Variants in TRAK1 observed in about 807,000 individuals in gnomAD.
The protein encoded by TRAK1 is trafficking kinesin-binding protein 1.
Under a neutral mutation model 92.1 loss-of-function variants are expected in TRAK1, and 33 were observed. That is an observed-to-expected ratio of 0.36 (90% CI 0.27 to 0.48). The LOEUF is 0.48. TRAK1 is among the 20% of genes least tolerant of loss of function. The probability of loss-of-function intolerance (pLI) is 0.99; values close to 1 mark genes in which losing one functional copy is unlikely to be tolerated. For missense variants in TRAK1, 1,123 were observed against 1,257.9 expected (o/e 0.89, Z 1.62); for synonymous variants, 521 against 517.3 (o/e 1.01, Z -0.10).
intron 2 of TRAK1, among the ~76,000 whole-genome samples, chr3:42,133,367 T>C (rs1362646228): frequency 6.6e-6 from 1 of 152,166 alleles, no homozygotes; most frequent in African/African-American, 2.4e-5. Context: ...CTTCCTTTTC[T>C]TTTTTTGTTT....
chr3:42,046,408 A>G lies in TRAK1; in HGVS notation c.-519+32291A>G, dbSNP rs569316424. Among the ~76,000 whole-genome samples, 64 of 151,740 alleles carry G rather than the reference A, an allele frequency of 4.2e-4. 1 individual carries two copies. Among genetic ancestry groups the G allele is most frequent in the South Asian group, 1.3e-3 (6 of 4,794 alleles). ...ACTCCTAAGAGACCCTTAGGAGGCC[A>G]TAACCTGGGAAGGTTGGGAATAGGG... On this transcript the variant is annotated intron_variant, in intron 1 of 16. Transcript: ENST00000487159.
chr3:42,013,906 A>G lies in TRAK1; in HGVS notation c.-730A>G, dbSNP rs1275256959. The G allele has an allele frequency of 6.7e-6, 1 of 149,940 alleles. No individual in the cohort carries two copies. The highest frequency in any genetic ancestry group is 1.5e-5 in the Non-Finnish European group (1 of 67,308). The allele number at this position is 149,940 out of a possible 1,614,324, so 9.3% of individuals were successfully genotyped here. A position where few individuals can be genotyped will look rare whatever the true frequency, so the allele number is the denominator to read the frequency against. ...TCTCGGAACCCCGGACTCCGAGCCC[A>G]GGAGCGCCAGAGCGGCAGGCGGGCA... On this transcript the variant is annotated 5_prime_UTR_variant, in exon 1 of 17. Transcript: ENST00000487159. This position sits in a 1 kb window ranked among gnomAD's most constrained non-coding sequence, Gnocchi z 5.1.
chr3:42,112,753 A>AGG (rs1467314685), intron 1 of TRAK1, among the ~76,000 whole-genome samples: 2 of 38,800 alleles, frequency 5.2e-5, no homozygotes, highest in South Asian at 4.4e-3. Flanking sequence ...AAAAAAAAAA[A>AGG]AAACCAACTA....
At chr3:42,038,924 A>T (rs189755612) in intron 1 of TRAK1, among the ~76,000 whole-genome samples, 3,595 of 135,394 alleles carry the variant, frequency 0.027, 44 homozygotes, top group South Asian at 0.073. Flanking sequence ...TTGATTTTTT[A>T]AAAATCAGCC....
chr3:42,110,054 G>A (rs191383211), intron 1 of TRAK1, among the ~76,000 whole-genome samples: 8,550 of 136,788 alleles, frequency 0.063, 370 homozygotes, highest in South Asian at 0.15. Flanking sequence ...TACATATGTA[G>A]CAAACCTGCA....
At chr3:42,187,019 AG>A (rs1265284207) in intron 4 of TRAK1, among the ~76,000 whole-genome samples, 1 of 152,236 alleles carries the variant, frequency 6.6e-6, no homozygotes. Context: ...GCAGAGTGAA[AG>A]GGCAGATGAA....
intron 13 of TRAK1, among the ~76,000 whole-genome samples, chr3:42,209,495 C>T (rs1215986639): frequency 6.6e-6 from 1 of 152,040 alleles, no homozygotes; most frequent in East Asian, 1.9e-4. Flanking sequence ...CTCTTTTGCA[C>T]ATACTATGGT....
At chr3:42,116,121 A>G (rs896983617) in intron 1 of TRAK1, among the ~76,000 whole-genome samples, 1 of 152,258 alleles carries the variant, frequency 6.6e-6, no homozygotes, top group Non-Finnish European at 1.5e-5. Context: ...CTGGGCAAAC[A>G]GCGGAAAGCG....
At chr3:42,152,088 C>A (rs74678423) in intron 2 of TRAK1, among the ~76,000 whole-genome samples, 6,002 of 152,228 alleles carry the variant, frequency 0.039, 415 homozygotes, top group African/African-American at 0.14. Context: ...CTACTGTTCT[C>A]TTCTATCTTT....
chr3:42,113,455 C>T (rs1482556782), intron 1 of TRAK1, among the ~76,000 whole-genome samples: 1 of 144,682 alleles, frequency 6.9e-6, no homozygotes, highest in Non-Finnish European at 1.5e-5. Flanking sequence ...CAGAGTTTCA[C>T]TCTTGTTGCC....
intron 2 of TRAK1, among the ~76,000 whole-genome samples, chr3:42,174,889 C>G (rs13088614): frequency 0.16 from 24,908 of 151,182 alleles, 2,234 homozygotes; most frequent in Non-Finnish European, 0.21. Flanking sequence ...TTTCTTCTGT[C>G]TGCTTGTGGT....
chr3:42,160,866 A>T (rs1701200801), intron 2 of TRAK1, among the ~76,000 whole-genome samples: 1 of 152,092 alleles, frequency 6.6e-6, no homozygotes, highest in African/African-American at 2.4e-5. Flanking sequence ...TGTTGCTAAT[A>T]TCACTAATTT....
intron 3 of TRAK1, among the ~76,000 whole-genome samples, chr3:42,180,604 A>G (rs889796785): frequency 3.3e-5 from 5 of 149,376 alleles, no homozygotes; most frequent in Admixed American, 6.8e-5. Flanking sequence ...GCTTGAGCCC[A>G]GGAGTTTGAG....
At chr3:42,191,906 T>TTTTTTC (rs1705804556) in intron 7 of TRAK1, among the ~76,000 whole-genome samples, 1 of 133,492 alleles carries the variant, frequency 7.5e-6, no homozygotes, top group Non-Finnish European at 1.6e-5. Context: ...TTTTTTTTTT[T>TTTTTTC]TTTTTTTTTT....
chr3:42,204,192 T>C (rs757241000), intron 13 of TRAK1: 104 of 985,754 alleles, frequency 1.1e-4, no homozygotes, highest in Non-Finnish European at 1.2e-4. Context: ...CAATTTTACT[T>C]TCTGCCTTAC....
chr3:42,131,017 G>A (rs1697123900), intron 2 of TRAK1, among the ~76,000 whole-genome samples: 1 of 152,078 alleles, frequency 6.6e-6, no homozygotes, highest in South Asian at 2.1e-4. Context: ...GTGTCCACAC[G>A]GTCACAGACA....
At chr3:42,114,870 G>A (rs1332896167) in intron 1 of TRAK1, among the ~76,000 whole-genome samples, 3 of 151,930 alleles carry the variant, frequency 2.0e-5, no homozygotes, top group Non-Finnish European at 4.4e-5. Context: ...GCACCACCAC[G>A]TCTGGCTAAT....
chr3:42,052,260 C>T (rs1498094), intron 1 of TRAK1, among the ~76,000 whole-genome samples: 13,165 of 152,232 alleles, frequency 0.086, 626 homozygotes, highest in Non-Finnish European at 0.11. Flanking sequence ...CAACCAGTAC[C>T]GTCAGCATCA....
At chr3:42,173,817 A>T (rs1702860437) in intron 2 of TRAK1, among the ~76,000 whole-genome samples, 1 of 152,098 alleles carries the variant, frequency 6.6e-6, no homozygotes, top group Non-Finnish European at 1.5e-5. Flanking sequence ...TGTTGTGAAG[A>T]TTAATTGAGA....
Sources: gnomAD v4.1 joint callset for allele counts (sites outside exome capture counted in the v4.1 genomes callset) on GRCh38, gnomAD v4.1.1 for gene constraint, Gnocchi (gnomAD v3.1) non-coding constraint, MANE v1.5 for transcripts, NCBI Gene and HGNC (gene_info 2026-07-23, HGNC 2026-07-21) for gene names.